Variants in KDM4C observed in about 807,000 individuals in gnomAD.
The protein encoded by KDM4C is lysine demethylase 4C, also known as lysine-specific demethylase 4C.
KDM4C carries 81 observed loss-of-function variants against 129.3 expected under a neutral mutation model. The ratio of observed to expected loss-of-function variants is 0.63; its 90% CI spans 0.52 to 0.75. The LOEUF (loss-of-function observed/expected upper bound fraction) is 0.75. Ranked by LOEUF, KDM4C falls within the 30% of genes least tolerant of loss-of-function variation. KDM4C has a pLI of 0.00. For synonymous variants in KDM4C, 573 were observed against 456.1 expected, an observed-to-expected ratio of 1.26 and a Z score of -3.26; for missense variants, 1,457 against 1,304.0, an observed-to-expected ratio of 1.12 and a Z score of -1.81.
chr9:6,995,923 C>T (rs948804403), intron 12 of KDM4C, among the ~76,000 whole-genome samples: 4 of 152,182 alleles, frequency 2.6e-5, no homozygotes, highest in African/African-American at 7.2e-5. Flanking sequence ...CCACCTCGGC[C>T]TCCCAAAGTG....
intron 1 of KDM4C, among the ~76,000 whole-genome samples, chr9:6,786,379 A>C (rs1825503333): frequency 6.6e-6 from 1 of 152,254 alleles, no homozygotes; most frequent in East Asian, 1.9e-4. Flanking sequence ...GCTTATTAAA[A>C]AAATTCTTAG....
At chr9:6,902,999 C>T (rs549248354) in intron 8 of KDM4C, among the ~76,000 whole-genome samples, 1 of 151,880 alleles carries the variant, frequency 6.6e-6, no homozygotes, top group African/African-American at 2.4e-5. Flanking sequence ...TTTGTAATCC[C>T]TTGGAAAAAA....
intron 19 of KDM4C, among the ~76,000 whole-genome samples, chr9:7,132,413 C>G (rs919929912): frequency 1.3e-5 from 2 of 152,188 alleles, no homozygotes; most frequent in Admixed American, 1.3e-4. Flanking sequence ...GCTCTTTGAA[C>G]TATCAGGAAA....
At chr9:7,056,214 G>T (rs759152357) in intron 17 of KDM4C, among the ~76,000 whole-genome samples, 1 of 152,138 alleles carries the variant, frequency 6.6e-6, no homozygotes, top group Non-Finnish European at 1.5e-5. Context: ...AGATGACACG[G>T]TTGTGGTATG....
intron 19 of KDM4C, among the ~76,000 whole-genome samples, chr9:7,159,851 G>T (rs1010334161): frequency 6.6e-6 from 1 of 152,104 alleles, no homozygotes; most frequent in African/African-American, 2.4e-5. Flanking sequence ...GGTGTTCTCT[G>T]TATTTCCTGA....
chr9:7,004,741 A>T (rs1720477976), intron 12 of KDM4C, among the ~76,000 whole-genome samples: 1 of 152,224 alleles, frequency 6.6e-6, no homozygotes, highest in African/African-American at 2.4e-5. Flanking sequence ...TTTGATGGAA[A>T]TACTTATATA....
chr9:6,762,662 CTTTT>C (rs1031418918), intron 1 of KDM4C, among the ~76,000 whole-genome samples: 1 of 138,464 alleles, frequency 7.2e-6, no homozygotes, highest in South Asian at 2.3e-4. Flanking sequence ...AGGTCATTGT[CTTTT>C]TTTTTTTTTA....
At chr9:6,881,745 A>G (rs1213240577) in intron 6 of KDM4C, among the ~76,000 whole-genome samples, 1 of 152,212 alleles carries the variant, frequency 6.6e-6, no homozygotes, top group Non-Finnish European at 1.5e-5. Flanking sequence ...TGTTTATTCA[A>G]AACTCTTTTG....
intron 4 of KDM4C, among the ~76,000 whole-genome samples, chr9:6,838,343 A>G (rs1003278351): frequency 6.6e-6 from 1 of 152,126 alleles, no homozygotes; most frequent in Non-Finnish European, 1.5e-5. Context: ...ATGCACAGTG[A>G]TCTTTGCTTG....
chr9:7,090,417 T>C (rs1482791663), intron 17 of KDM4C, among the ~76,000 whole-genome samples: 1 of 152,222 alleles, frequency 6.6e-6, no homozygotes, highest in Admixed American at 6.5e-5. Flanking sequence ...GGTTTATTGG[T>C]AGAAAGATTC....
intron 1 of KDM4C, among the ~76,000 whole-genome samples, chr9:6,767,467 A>C (rs1820865502): frequency 7.3e-6 from 1 of 137,640 alleles, no homozygotes; most frequent in Non-Finnish European, 1.6e-5. Context: ...CGGTGTCTTG[A>C]TCTGTCACCT....
intron 3 of KDM4C, among the ~76,000 whole-genome samples, chr9:6,811,355 A>G (rs566246477): frequency 6.6e-6 from 1 of 152,154 alleles, no homozygotes; most frequent in South Asian, 2.1e-4. Context: ...GGGTTTCAAC[A>G]TGTTGGCCAG....
In KDM4C at chr9:6,864,030, A is replaced by G. The variant is rs77038393; in HGVS notation, c.629+14330A>G. Among the ~76,000 whole-genome samples, 13 of 152,270 alleles carry G rather than the reference A, an allele frequency of 8.5e-5. No homozygotes were observed. The East Asian group carries it at 2.5e-3, about 29-fold the overall frequency. On this transcript the variant is annotated intron_variant, in intron 5 of 21. Transcript: ENST00000381309. Reference sequence around the variant, plus strand: ...GGGTCAAATATCAAACCATATCAATACCACTATTACAGTAATAGAGTATTC... The same window carrying G: ...GGGTCAAATATCAAACCATATCAATGCCACTATTACAGTAATAGAGTATTC...
intron 17 of KDM4C, 98 bp from the exon 18 acceptor site, chr9:7,103,587 T>A (rs1837345889): frequency 1.1e-6 from 1 of 879,674 alleles, no homozygotes; most frequent in Non-Finnish European, 1.7e-6. Flanking sequence ...GTTGTTTTTT[T>A]TTTTTTTTCT....
chr9:6,904,064 A>G (rs1370164241), intron 8 of KDM4C, among the ~76,000 whole-genome samples: 1 of 152,036 alleles, frequency 6.6e-6, no homozygotes, highest in Non-Finnish European at 1.5e-5. Context: ...ACATGGAGAA[A>G]CCTCATGTCT....
intron 19 of KDM4C, among the ~76,000 whole-genome samples, chr9:7,138,937 G>A (rs887321766): frequency 6.6e-6 from 1 of 152,160 alleles, no homozygotes; most frequent in Non-Finnish European, 1.5e-5. Flanking sequence ...TGTAGGTTAT[G>A]TTTTTAAAAC....
At chr9:7,171,809 AT>A (rs571086731) in intron 21 of KDM4C, among the ~76,000 whole-genome samples, 4 of 149,976 alleles carry the variant, frequency 2.7e-5, no homozygotes, top group East Asian at 1.9e-4. Context: ...CCAACATTCA[AT>A]TTTTTTTTTA....
intron 5 of KDM4C, among the ~76,000 whole-genome samples, chr9:6,854,525 C>CAAAGA (rs1839421084): frequency 2.4e-5 from 1 of 41,384 alleles, no homozygotes; most frequent in Non-Finnish European, 4.5e-5. Flanking sequence ...AACTCCGTCT[C>CAAAGA]AAAAAAAAAA....
Position 6,919,223 on chromosome 9 carries a change from C to CTTTCTTTCTTTCTTTCTTTCTTTCTTTCT in KDM4C, c.921+25993_921+25994insTCTTTCTTTCTTTCTTTCTTTCTTTCTTT, listed in dbSNP as rs532687391. On this transcript the variant is annotated intron_variant, in intron 8 of 21. Coordinates refer to ENST00000381309, the MANE Select transcript of KDM4C (RefSeq NM_015061.6). ...TTACAGATTCTGAATTTTCTTTTTC[C>CTTTCTTTCTTTCTTTCTTTCTTTCTTTCT]TTCTTTCTTTCTTTCTTTCTTTCTT... is the stretch of plus-strand genomic sequence containing the variant. 1.3e-3 allele frequency among the ~76,000 whole-genome samples: 137 copies of CTTTCTTTCTTTCTTTCTTTCTTTCTTTCT among 108,944 alleles called. 1 individual carries two copies. The highest frequency in any genetic ancestry group is 5.3e-3 in the Middle Eastern group (1 of 188). 71.5% of individuals were successfully genotyped at this position (108,944 alleles called of 152,430 possible). A position where few individuals can be genotyped will look rare whatever the true frequency, so the allele number is the denominator to read the frequency against.
Sources: gnomAD v4.1 joint callset for allele counts (sites outside exome capture counted in the v4.1 genomes callset) on GRCh38, gnomAD v4.1.1 for gene constraint, MANE v1.5 for transcripts, NCBI Gene and HGNC (gene_info 2026-07-23, HGNC 2026-07-21) for gene names.